The following NR3C1 variants were observed in gnomAD, a reference collection of about 807,000 sequenced individuals.
NR3C1 encodes nuclear receptor subfamily 3 group C member 1, also known as glucocorticoid receptor.
In NR3C1, 14 loss-of-function variants were observed where a neutral mutation model predicts 74.0. The ratio of observed to expected loss-of-function variants is 0.19; its 90% CI spans 0.12 to 0.30. NR3C1 has a LOEUF of 0.30. Among genes scored for constraint, NR3C1 ranks in the 10% least tolerant of loss-of-function variants. The pLI is 1.00. For missense variants in NR3C1, 695 were observed against 909.8 expected (o/e 0.76, Z 3.04); for synonymous variants, 308 against 332.5 (o/e 0.93, Z 0.80).
chr5:143,302,664 A>G (rs1044882873), intron 4 of NR3C1, among the ~76,000 whole-genome samples: 1 of 152,112 alleles, frequency 6.6e-6, no homozygotes, highest in African/African-American at 2.4e-5. Context: ...ATAGTTCTAA[A>G]TGAGAAAACT....
At chr5:143,301,032 C>T (rs1412863966) in intron 4 of NR3C1, among the ~76,000 whole-genome samples, 7 of 151,780 alleles carry the variant, frequency 4.6e-5, no homozygotes, top group East Asian at 1.9e-4. Context: ...AGTATTATAA[C>T]GGTATGTTAA....
chr5:143,431,497 G>T (rs1217291325), intron 1 of NR3C1, among the ~76,000 whole-genome samples: 1 of 152,024 alleles, frequency 6.6e-6, no homozygotes, highest in African/African-American at 2.4e-5. Flanking sequence ...GGCCTGTCAG[G>T]GGGTGGGGGG....
chr5:143,296,987 G>A (rs1382336058), intron 6 of NR3C1, among the ~76,000 whole-genome samples: 1 of 144,184 alleles, frequency 6.9e-6, no homozygotes, highest in African/African-American at 2.6e-5. Flanking sequence ...CTGAGGCAGA[G>A]AATCACTTGA....
At chr5:143,335,960 A>G (rs954850384) in intron 2 of NR3C1, among the ~76,000 whole-genome samples, 3 of 152,214 alleles carry the variant, frequency 2.0e-5, no homozygotes, top group Non-Finnish European at 4.4e-5. Flanking sequence ...CAAAACATGG[A>G]CACATGTATT....
At chr5:143,335,644 C>T (rs1600078927) in intron 2 of NR3C1, among the ~76,000 whole-genome samples, 1 of 152,160 alleles carries the variant, frequency 6.6e-6, no homozygotes, top group African/African-American at 2.4e-5. Flanking sequence ...CTAATTTGCA[C>T]CTTGCTTTTT....
chr5:143,416,263 T>C (rs1841473125), intron 1 of NR3C1, among the ~76,000 whole-genome samples: 1 of 152,158 alleles, frequency 6.6e-6, no homozygotes, highest in Admixed American at 6.6e-5. Flanking sequence ...TATTAACCCA[T>C]CTGTAACTCT....
intron 4 of NR3C1, among the ~76,000 whole-genome samples, chr5:143,309,497 A>G (rs374077596): frequency 5.9e-5 from 9 of 152,242 alleles, no homozygotes; most frequent in African/African-American, 1.2e-4. Flanking sequence ...GGAAAAGGTA[A>G]TATCTTCACA....
At chr5:143,393,087 G>C (rs77979848) in intron 2 of NR3C1, among the ~76,000 whole-genome samples, 19,793 of 152,060 alleles carry the variant, frequency 0.13, 1,493 homozygotes, top group Middle Eastern at 0.3. Flanking sequence ...TAACTGTAAC[G>C]AACATAGAAA....
intron 2 of NR3C1, among the ~76,000 whole-genome samples, chr5:143,325,856 G>A (rs852982): frequency 0.27 from 41,766 of 151,940 alleles, 6,019 homozygotes; most frequent in Non-Finnish European, 0.32. Context: ...GATCAAGGAG[G>A]AAAGAAATAG....
chr5:143,372,343 C>T (rs1834373047), intron 2 of NR3C1, among the ~76,000 whole-genome samples: 1 of 152,094 alleles, frequency 6.6e-6, no homozygotes, highest in South Asian at 2.1e-4. Flanking sequence ...TTACTTGAAG[C>T]CAAGTGTTGT....
intron 2 of NR3C1, among the ~76,000 whole-genome samples, chr5:143,383,609 A>G (rs1263525558): frequency 6.6e-6 from 1 of 152,230 alleles, no homozygotes; most frequent in Non-Finnish European, 1.5e-5. Context: ...ACATAAAGGA[A>G]AGCATACAAA....
In NR3C1 at chr5:143,282,589, T is replaced by C. The variant is rs375800105; in HGVS notation, c.2160A>G (p.Lys720=). Residue 720 remains lysine (K), a synonymous_variant, in exon 8 of 9, where the codon AAA becomes AAG. Coordinates refer to ENST00000394464, the MANE Select transcript of NR3C1 (RefSeq NM_000176.3). ...QNWQRFYQLT[K]LLDSMHEVVE... is the part of the protein sequence containing the mutation. The stretch of plus-strand genomic sequence containing the variant: ...TTACTTCATGCATAGAATCCAAGAG[T>C]TTTGTCAGTTGATAAAACCGCTGCC... The C allele has an allele frequency of 6.2e-6, 10 of 1,613,786 alleles. No individual in the cohort carries two copies. Among genetic ancestry groups the C allele is most frequent in the Non-Finnish European group, 8.5e-6 (10 of 1,179,892 alleles).
chr5:143,432,312 A>G (rs1315380229), intron 1 of NR3C1, among the ~76,000 whole-genome samples: 1 of 152,228 alleles, frequency 6.6e-6, no homozygotes, highest in Non-Finnish European at 1.5e-5. Flanking sequence ...ATAACAAGGT[A>G]GTAAGGCATC....
chr5:143,400,966 C>A, intron 1 of NR3C1, 114 bp from the exon 2 acceptor site: 1 of 801,354 alleles, frequency 1.2e-6, no homozygotes, highest in Admixed American at 2.0e-5. Context: ...TAGTTAACTC[C>A]GAATCAAATT....
chr5:143,291,973 T>C (rs1400588988), intron 7 of NR3C1, among the ~76,000 whole-genome samples: 3 of 152,234 alleles, frequency 2.0e-5, no homozygotes, highest in Non-Finnish European at 2.9e-5. Context: ...TTGTTTTGTC[T>C]CTTCAGACCG....
chr5:143,358,718 A>G (rs531797745), intron 2 of NR3C1, among the ~76,000 whole-genome samples: 1 of 152,100 alleles, frequency 6.6e-6, no homozygotes, highest in African/African-American at 2.4e-5. Context: ...CCTGACCAAC[A>G]TGGAGAAACC....
chr5:143,327,311 A>AC (rs1415385810), intron 2 of NR3C1, among the ~76,000 whole-genome samples: 1 of 150,690 alleles, frequency 6.6e-6, no homozygotes, highest in African/African-American at 2.4e-5. Context: ...CATGGAAAAA[A>AC]CCCCCCCATG....
chr5:143,418,704 T>TA (rs1751052394), intron 1 of NR3C1, among the ~76,000 whole-genome samples: 2 of 152,166 alleles, frequency 1.3e-5, no homozygotes, highest in East Asian at 3.9e-4. Flanking sequence ...GAATGAGACT[T>TA]AAAGGGTAAA....
intron 1 of NR3C1, among the ~76,000 whole-genome samples, chr5:143,423,027 A>G (rs1751318559): frequency 6.6e-6 from 1 of 152,140 alleles, no homozygotes; most frequent in Admixed American, 6.6e-5. Context: ...TTTTAATCCA[A>G]TTTGATTTGA....
Sources: allele counts gnomAD v4.1 joint callset (sites outside exome capture counted in the v4.1 genomes callset), GRCh38; gene constraint gnomAD v4.1.1; transcripts MANE v1.5; gene names NCBI Gene and HGNC (gene_info 2026-07-23, HGNC 2026-07-21).